SLC9A1: variants seen among roughly 807,000 people sequenced by gnomAD.
SLC9A1 encodes sodium/hydrogen exchanger 1.
SLC9A1 carries 22 observed loss-of-function variants against 67.9 expected under a neutral mutation model. The ratio of observed to expected loss-of-function variants is 0.32; its 90% confidence interval spans 0.23 to 0.46. The LOEUF is 0.46. Among genes scored for constraint, SLC9A1 ranks in the 20% least tolerant of loss-of-function variants. The probability of loss-of-function intolerance (pLI) is 1.00; values close to 1 mark genes in which losing one functional copy is unlikely to be tolerated. For synonymous variants in SLC9A1, 421 were observed against 471.8 expected (o/e 0.89, Z 1.40); for missense variants, 686 against 1,094.8 (o/e 0.63, Z 5.27).
Position 27,113,975 on chromosome 1 carries a change from T to A in SLC9A1, c.664A>T (p.Ile222Phe). 1 of 1,614,120 alleles carries A rather than the reference T, an allele frequency of 6.2e-7. No individual in the cohort carries two copies. Among genetic ancestry groups the A allele is most frequent in the Non-Finnish European group, 8.5e-7 (1 of 1,180,030 alleles). The change falls in exon 2 of 12, where the codon ATC (isoleucine) becomes TTC (phenylalanine). Residue 222 changes from isoleucine to phenylalanine, a missense_variant. This residue lies in a region of SLC9A1 where 49 missense variants were observed against 73.1 expected (regional missense o/e 0.67). Coordinates refer to ENST00000263980, the MANE Select transcript of SLC9A1 (RefSeq NM_003047.5). ...CLVGGEQINN[I>F]GLLDNLLFGS... Reference sequence around the variant, plus strand: ...AAGAGCAGGTTGTCCAGGAGGCCGATGTTGTTGATCTGCTCACCGCCCACC... The same window carrying A: ...AAGAGCAGGTTGTCCAGGAGGCCGAAGTTGTTGATCTGCTCACCGCCCACC...
In SLC9A1 at chr1:27,154,061, G is replaced by C; in HGVS notation, c.274C>G (p.Leu92Val). ...CGCACGTGTGTGTAGTCGATGCCCA[G>C]GACTGGAAAGGCCTTGCGCGGCTTC... ...GMKPRKAFPV[L>V]GIDYTHVRTP... The change falls in exon 1 of 12, where the codon CTG (leucine) becomes GTG (valine). Residue 92 changes from leucine (L) to valine (V), a missense_variant. Leu to Val is a conservative substitution (Grantham distance 32). Coordinates refer to ENST00000263980, the MANE Select transcript of SLC9A1 (RefSeq NM_003047.5). 6.2e-7 allele frequency: 1 copy of C among 1,613,140 alleles called. No homozygotes were observed. Among genetic ancestry groups the C allele is most frequent in the Non-Finnish European group, 8.5e-7 (1 of 1,179,376 alleles).
intron 1 of SLC9A1, among the ~76,000 whole-genome samples, chr1:27,146,460 G>T (rs2083485942): frequency 6.6e-6 from 1 of 152,202 alleles, no homozygotes; most frequent in South Asian, 2.1e-4. Flanking sequence ...AATTCAAAAT[G>T]ATTATGGGAA....
Position 27,100,228 on chromosome 1 carries a change from G to A in SLC9A1, c.*79C>T. 5 of 1,118,940 alleles carry A rather than the reference G, an allele frequency of 4.5e-6. No homozygotes were observed. The South Asian group carries it at 8.5e-5, about 19-fold the overall frequency. 69.3% of individuals were successfully genotyped at this position (1,118,940 alleles called of 1,614,324 possible). A position where few individuals can be genotyped will look rare whatever the true frequency, so the allele number is the denominator to read the frequency against. On this transcript the variant is annotated 3_prime_UTR_variant, in exon 12 of 12. Transcript: ENST00000263980. This position sits in a 1 kb window ranked among gnomAD's most constrained non-coding sequence, Gnocchi z 5.6. ...GGGCAGGGCCAATCCGGGTCAGGAA[G>A]GGCAAGGGGAGCCCCCAGCAGCCCC...
intron 1 of SLC9A1, among the ~76,000 whole-genome samples, chr1:27,140,938 C>T (rs572791227): frequency 3.5e-4 from 53 of 152,258 alleles, no homozygotes; most frequent in Non-Finnish European, 6.0e-4. Context: ...CCAGGCACGG[C>T]AGCTCACGCC....
Position 27,109,697 on chromosome 1 carries a change from G to C in SLC9A1, c.894C>G (p.Phe298Leu). 6.2e-7 allele frequency: 1 copy of C among 1,614,062 alleles called. No homozygotes were observed. Residue 298 changes from phenylalanine to leucine, a missense_variant, in exon 3 of 12, where the codon TTC becomes TTG. Physicochemically the swap from Phe to Leu is conservative, Grantham distance 22 (BLOSUM62 0). Coordinates refer to ENST00000263980, the MANE Select transcript of SLC9A1 (RefSeq NM_003047.5). This position sits in a 1 kb window ranked among gnomAD's most constrained non-coding sequence, Gnocchi z 5.5. ...GCACCCCGCCCAGGGCCACCACGAA[G>C]AAGCTCAGGAAGCCGAGGAAGATGT... ...IVDIFLGFLSFFVVALGGVLV... is the reference protein window; with the variant it reads ...IVDIFLGFLSLFVVALGGVLV...
rs2083185719 is a variant in SLC9A1, at chr1:27,106,478, T to C, written c.1283-391A>G. On this transcript the variant is annotated intron_variant, in intron 4 of 11. Transcript: ENST00000263980. The surrounding 1 kb of genome is among the most constrained non-coding windows in gnomAD (Gnocchi z 4.3). Reference sequence around the variant, plus strand: ...ACTTGAAATTTTCCATAATAAAGCATAAAAAATGCAGAGGGCTGGGCCCAA... The same window carrying C: ...ACTTGAAATTTTCCATAATAAAGCACAAAAAATGCAGAGGGCTGGGCCCAA... Among the ~76,000 whole-genome samples the C allele has an allele frequency of 1.3e-5, 2 of 151,916 alleles. No individual in the cohort carries two copies. The highest frequency in any genetic ancestry group is 4.8e-5 in the African/African-American group (2 of 41,308).
chr1:27,119,979 TC>T (rs1316992554), intron 1 of SLC9A1, among the ~76,000 whole-genome samples: 1 of 151,882 alleles, frequency 6.6e-6, no homozygotes, highest in East Asian at 1.9e-4. Flanking sequence ...CAGGAAGCTC[TC>T]CTAAGTTAAC....
chr1:27,112,416 G>A lies in SLC9A1; in HGVS notation c.813+1410C>T, dbSNP rs1178297496. 3.9e-5 allele frequency among the ~76,000 whole-genome samples: 6 copies of A among 152,210 alleles called. No individual in the cohort carries two copies. In the East Asian group the frequency reaches 5.8e-4, roughly 15 times the overall value. ...TCCTGTGTGTGCAGCTGCTCTGAGC[G>A]GGACAGCTCAGGAGGGGGTGGGAGT... On this transcript the variant is annotated intron_variant, in intron 2 of 11. Transcript: ENST00000263980.
chr1:27,105,082 T>C (rs1003634422), intron 5 of SLC9A1, among the ~76,000 whole-genome samples: 41 of 152,202 alleles, frequency 2.7e-4, no homozygotes, highest in African/African-American at 9.4e-4. Flanking sequence ...TGGGGGTCTT[T>C]CTTAGGGTCA....
chr1:27,117,747 T>A (rs2124161783), intron 1 of SLC9A1, among the ~76,000 whole-genome samples: 1 of 152,316 alleles, frequency 6.6e-6, no homozygotes, highest in Admixed American at 6.5e-5. Context: ...AAGCTGAGGC[T>A]CAGCAAGGTT....
chr1:27,147,159 G>A (rs1008192748), intron 1 of SLC9A1, among the ~76,000 whole-genome samples: 2 of 151,848 alleles, frequency 1.3e-5, no homozygotes, highest in Non-Finnish European at 2.9e-5. Flanking sequence ...AATTAGCCAG[G>A]CATGATGGTT....
chr1:27,149,733 T>A (rs1188443755), intron 1 of SLC9A1, among the ~76,000 whole-genome samples: 2 of 152,204 alleles, frequency 1.3e-5, no homozygotes, highest in Non-Finnish European at 2.9e-5. Context: ...ATGAGGTGCA[T>A]GAACCTCAAG....
At position 27,104,173 on chromosome 1, in the gene SLC9A1, C is replaced by G. The variant is rs1351530686; in HGVS notation, c.1486-861G>C. Reference sequence around the variant, plus strand: ...TTCAGCTCACTGCAACCTCCACCTCCCGGGTTCAAGTGATTCTCCTGCCTC... The same window carrying G: ...TTCAGCTCACTGCAACCTCCACCTCGCGGGTTCAAGTGATTCTCCTGCCTC... On this transcript the variant is annotated intron_variant, in intron 5 of 11. Coordinates refer to ENST00000263980, the MANE Select transcript of SLC9A1 (RefSeq NM_003047.5). 2.0e-5 allele frequency among the ~76,000 whole-genome samples: 3 copies of G among 151,426 alleles called. No individual in the cohort carries two copies. In the East Asian group the frequency reaches 5.8e-4, roughly 29 times the overall value.
intron 5 of SLC9A1, among the ~76,000 whole-genome samples, chr1:27,104,876 A>T (rs1282308619): frequency 6.6e-6 from 1 of 152,206 alleles, no homozygotes; most frequent in Non-Finnish European, 1.5e-5. Context: ...GGTCAGGCAA[A>T]GTCAGGTAAG....
intron 5 of SLC9A1, among the ~76,000 whole-genome samples, chr1:27,104,374 G>A (rs969776155): frequency 4.1e-5 from 6 of 147,732 alleles, no homozygotes; most frequent in South Asian, 2.2e-4. Context: ...GAGCCACCGC[G>A]CCCAGCCTCT....
chr1:27,123,241 T>A (rs2083317095), intron 1 of SLC9A1, among the ~76,000 whole-genome samples: 1 of 152,140 alleles, frequency 6.6e-6, no homozygotes, highest in Admixed American at 6.5e-5. Flanking sequence ...AGGAAAATCA[T>A]CTCACAGTGA....
chr1:27,116,057 C>A (rs2124158957), intron 1 of SLC9A1, among the ~76,000 whole-genome samples: 1 of 152,202 alleles, frequency 6.6e-6, no homozygotes, highest in Admixed American at 6.5e-5. Context: ...AGTACGGTGA[C>A]AAGTCAAAGT....
At chr1:27,127,511 C>G (rs1486694032) in intron 1 of SLC9A1, among the ~76,000 whole-genome samples, 3 of 152,192 alleles carry the variant, frequency 2.0e-5, no homozygotes, top group Non-Finnish European at 4.4e-5. Context: ...ACTACTGACT[C>G]CCAATCCAGC....
intron 1 of SLC9A1, among the ~76,000 whole-genome samples, chr1:27,151,516 A>G (rs1447415187): frequency 6.6e-6 from 1 of 152,048 alleles, no homozygotes; most frequent in Non-Finnish European, 1.5e-5. Flanking sequence ...AGCCGCCACC[A>G]TGCCCAGCTA....
Sources: allele counts gnomAD v4.1 joint callset (sites outside exome capture counted in the v4.1 genomes callset), GRCh38; gene constraint gnomAD v4.1.1; regional missense constraint gnomAD v4.1.1; non-coding constraint Gnocchi (gnomAD v3.1); transcripts MANE v1.5; gene names NCBI Gene and HGNC (gene_info 2026-07-23, HGNC 2026-07-21).